PEPD: variants seen among roughly 807,000 people sequenced by gnomAD.
The protein encoded by PEPD is xaa-Pro dipeptidase.
In PEPD, 53 loss-of-function variants were observed where a neutral mutation model predicts 60.7. That is an observed-to-expected ratio of 0.87 (90% CI 0.70 to 1.10). The LOEUF is 1.10. Among genes scored for constraint, PEPD ranks in the 50% least tolerant of loss-of-function variants. The probability of loss-of-function intolerance (pLI) is 0.00; values close to 1 mark genes in which losing one functional copy is unlikely to be tolerated. For synonymous variants in PEPD, 267 were observed against 284.1 expected (o/e 0.94, Z 0.60); for missense variants, 711 against 711.9 (o/e 1.00, Z 0.01).
chr19:33,443,389 G>A (rs575493034), intron 9 of PEPD, among the ~76,000 whole-genome samples: 133 of 152,212 alleles, frequency 8.7e-4, no homozygotes, highest in Non-Finnish European at 9.1e-4. Flanking sequence ...TGCCACTCTT[G>A]ATACATGACT....
chr19:33,415,086 GA>G (rs1204749125), intron 9 of PEPD, among the ~76,000 whole-genome samples: 2 of 152,164 alleles, frequency 1.3e-5, no homozygotes, highest in Non-Finnish European at 2.9e-5. Flanking sequence ...GGCAGCCTCA[GA>G]AGCCACTTCA....
rs557084034 is a variant in PEPD, at chr19:33,396,498, T to C, written c.968-5019A>G. 1.3e-3 allele frequency among the ~76,000 whole-genome samples: 200 copies of C among 152,106 alleles called. 1 individual carries two copies. The highest frequency in any genetic ancestry group is 4.8e-3 in the African/African-American group (198 of 41,484). On this transcript the variant is annotated intron_variant, in intron 12 of 14. Transcript: ENST00000244137. ...TTCTTTCCCCTCCTCTGACCTCACATTGGCAGCACCCCCGTCACTCACAAG... is the reference window on the plus strand; with the variant it reads ...TTCTTTCCCCTCCTCTGACCTCACACTGGCAGCACCCCCGTCACTCACAAG...
At chr19:33,497,222 C>T (rs1208515240) in intron 4 of PEPD, among the ~76,000 whole-genome samples, 1 of 152,254 alleles carries the variant, frequency 6.6e-6, no homozygotes, top group Non-Finnish European at 1.5e-5. Flanking sequence ...CCCATCGCTT[C>T]CGATGCCTGT....
chr19:33,448,688 C>T (rs73035078), intron 9 of PEPD, among the ~76,000 whole-genome samples: 2,648 of 152,030 alleles, frequency 0.017, 29 homozygotes, highest in Middle Eastern at 0.041. Context: ...CTTCAGTGCT[C>T]GGGGAGGTGA....
chr19:33,509,770 G>A (rs1970885850), intron 3 of PEPD, among the ~76,000 whole-genome samples: 1 of 152,232 alleles, frequency 6.6e-6, no homozygotes, highest in African/African-American at 2.4e-5. Context: ...GGGATCCTCT[G>A]ATCACCTCAA....
At position 33,501,099 on chromosome 19, in the gene PEPD, C is replaced by T. The variant is rs1970703562; in HGVS notation, c.330-98G>A. 12 of 800,504 alleles carry T rather than the reference C, an allele frequency of 1.5e-5. 1 individual carries two copies. In the South Asian group the frequency reaches 1.6e-4, roughly 11 times the overall value. The allele number at this position is 800,504 out of a possible 1,614,324, so 49.6% of individuals were successfully genotyped here. On this transcript the variant is annotated intron_variant, in intron 3 of 14. Coordinates refer to ENST00000244137, the MANE Select transcript of PEPD (RefSeq NM_000285.4). ...CAAGCCCAGGCCATGGAGCCCCAGT[C>T]CCATCCCTATCACGGTCAGCACCCA...
chr19:33,512,470 G>T, intron 2 of PEPD, 123 bp downstream of exon 2: 1 of 927,378 alleles, frequency 1.1e-6, no homozygotes, highest in Non-Finnish European at 1.7e-6. Context: ...TCCCAGGCGA[G>T]GAAACAGAGG....
intron 9 of PEPD, among the ~76,000 whole-genome samples, chr19:33,414,222 A>T (rs1022360583): frequency 6.6e-6 from 1 of 152,144 alleles, no homozygotes; most frequent in Admixed American, 6.5e-5. Context: ...TGGGGCACAC[A>T]TCCTGCTTCT....
At chr19:33,424,980 T>C (rs902012280) in intron 9 of PEPD, among the ~76,000 whole-genome samples, 4 of 149,276 alleles carry the variant, frequency 2.7e-5, no homozygotes, top group African/African-American at 9.8e-5. Context: ...CCCCAGCTCT[T>C]TAAAAAAACA....
chr19:33,471,766 T>G (rs1008529564), intron 7 of PEPD, among the ~76,000 whole-genome samples: 3 of 152,146 alleles, frequency 2.0e-5, no homozygotes, highest in Non-Finnish European at 2.9e-5. Context: ...TCCCGGCACC[T>G]TGGGAGGCCA....
chr19:33,460,503 T>A (rs1568483296), intron 9 of PEPD, among the ~76,000 whole-genome samples: 2 of 152,060 alleles, frequency 1.3e-5, no homozygotes, highest in Non-Finnish European at 2.9e-5. Context: ...CTTCCCACCA[T>A]CTTCAGAGGG....
chr19:33,412,003 G>A (rs943198232), intron 10 of PEPD, among the ~76,000 whole-genome samples: 2 of 152,230 alleles, frequency 1.3e-5, no homozygotes, highest in Admixed American at 1.3e-4. Context: ...GTCGTTAGGC[G>A]GCTGCCCTCT....
chr19:33,449,721 T>G (rs146304013), intron 9 of PEPD, among the ~76,000 whole-genome samples: 2 of 150,844 alleles, frequency 1.3e-5, no homozygotes, highest in Admixed American at 1.3e-4. Context: ...AAGTCGGTCA[T>G]AGACTATCGC....
At position 33,411,679 on chromosome 19, in the gene PEPD, C is replaced by A. The variant is rs1968776434; in HGVS notation, c.811G>T (p.Asp271Tyr). 6.3e-7 allele frequency: 1 copy of A among 1,597,610 alleles called. No individual in the cohort carries two copies. The highest frequency in any genetic ancestry group is 8.6e-7 in the Non-Finnish European group (1 of 1,165,458). Reference protein sequence around the residue: ...APNDRTIQNGDMCLFDMGGEY... With the variant: ...APNDRTIQNGYMCLFDMGGEY... ...GCCGCTGGCCCTACTTACCACATAT[C>A]CCCATTCTGGATCGTTCGGTCGTTG... is the stretch of plus-strand genomic sequence containing the variant. The change falls in exon 11 of 15, where the codon GAT (aspartate) becomes TAT (tyrosine). Residue 271 changes from aspartate (D) to tyrosine (Y), a missense_variant. Physicochemically the swap from Asp to Tyr is radical, Grantham distance 160. Coordinates refer to ENST00000244137, the MANE Select transcript of PEPD (RefSeq NM_000285.4).
At chr19:33,454,592 ACT>A (rs1969761561) in intron 9 of PEPD, among the ~76,000 whole-genome samples, 1 of 151,400 alleles carries the variant, frequency 6.6e-6, no homozygotes, top group East Asian at 1.9e-4. Flanking sequence ...ATGGAGCGAG[ACT>A]CTGTCTCCAA....
chr19:33,468,284 T>G (rs1156727697), intron 7 of PEPD, among the ~76,000 whole-genome samples: 1 of 152,138 alleles, frequency 6.6e-6, no homozygotes, highest in Non-Finnish European at 1.5e-5. Context: ...CTCACAAAGG[T>G]ATCAATGCAA....
Position 33,490,642 on chromosome 19 carries a change from G to T in PEPD, c.442-585C>A, listed in dbSNP as rs1003184622. ...AGAAAAATGGGCCCTCTCCAGAAAG[G>T]CAAGGCATTTTATTTCATTTATTTT... On this transcript the variant is annotated intron_variant, in intron 5 of 14. Coordinates refer to ENST00000244137, the MANE Select transcript of PEPD (RefSeq NM_000285.4). 3.9e-5 allele frequency among the ~76,000 whole-genome samples: 6 copies of T among 152,076 alleles called. 1 individual carries two copies. Among genetic ancestry groups the T allele is most frequent in the Non-Finnish European group, 8.8e-5 (6 of 68,010 alleles).
chr19:33,439,709 G>A (rs911465010), intron 9 of PEPD, among the ~76,000 whole-genome samples: 1 of 152,210 alleles, frequency 6.6e-6, no homozygotes, highest in African/African-American at 2.4e-5. Flanking sequence ...GCCCAGCACC[G>A]TCCTGAAGAG....
At chr19:33,411,027 G>A (rs921151650) in intron 11 of PEPD, among the ~76,000 whole-genome samples, 1 of 152,162 alleles carries the variant, frequency 6.6e-6, no homozygotes, top group African/African-American at 2.4e-5. Flanking sequence ...GAGGGGCTGT[G>A]GGTAGGACTG....
Sources: gnomAD v4.1 joint callset for allele counts (sites outside exome capture counted in the v4.1 genomes callset) on GRCh38, gnomAD v4.1.1 for gene constraint, MANE v1.5 for transcripts, NCBI Gene and HGNC (gene_info 2026-07-23, HGNC 2026-07-21) for gene names.